PSG2: variants seen among roughly 807,000 people sequenced by gnomAD.
The protein encoded by PSG2 is pregnancy specific beta-1-glycoprotein 2.
PSG2 carries 49 observed loss-of-function variants against 36.2 expected under a neutral mutation model. That is an observed-to-expected ratio of 1.35 (90% CI 1.08 to 1.72). PSG2 has a LOEUF of 1.72. PSG2 is among the 40% of genes most tolerant of loss of function. The probability of loss-of-function intolerance (pLI) is 0.00; values close to 1 mark genes in which losing one functional copy is unlikely to be tolerated. For missense variants in PSG2, 605 were observed against 407.2 expected (o/e 1.49, Z -4.18); for synonymous variants, 261 against 155.6 (o/e 1.68, Z -5.04).
At chr19:43,066,855 G>A (rs1967746852) in intron 4 of PSG2, among the ~76,000 whole-genome samples, 1 of 151,222 alleles carries the variant, frequency 6.6e-6, no homozygotes, top group Admixed American at 6.6e-5. Flanking sequence ...TCAGATGTGA[G>A]AAAGGCTGAT....
chr19:43,068,929 C>G (rs1425930598), intron 4 of PSG2, among the ~76,000 whole-genome samples: 1 of 151,544 alleles, frequency 6.6e-6, no homozygotes. Flanking sequence ...AAAATTATTT[C>G]TGTTTATAGA....
chr19:43,071,710 G>A lies in PSG2; in HGVS notation c.954C>T (p.Val318=), dbSNP rs1169491254. The A allele has an allele frequency of 6.2e-7, 1 of 1,612,872 alleles. No homozygotes were observed. Among genetic ancestry groups the A allele is most frequent in the Non-Finnish European group, 8.5e-7 (1 of 1,179,474 alleles). ...CTGGGATCCACTTACCAGAGACTTT[G>A]ACTGTCAACGATGTGGAGCTTTCCT... The part of the protein sequence containing the change: ...TGEESSTSLT[V]KVSASTRIGL... Residue 318 remains valine, a synonymous_variant, in exon 4 of 6, where the codon GTC becomes GTT. Coordinates refer to ENST00000406487, the MANE Select transcript of PSG2 (RefSeq NM_031246.4).
intron 1 of PSG2, among the ~76,000 whole-genome samples, chr19:43,081,448 C>G (rs559262468): frequency 6.6e-6 from 1 of 150,966 alleles, no homozygotes; most frequent in Admixed American, 6.6e-5. Flanking sequence ...GTACTACTGT[C>G]CTACTAGGTC....
At chr19:43,079,225 G>T (rs917703633) in intron 2 of PSG2, among the ~76,000 whole-genome samples, 21 of 151,470 alleles carry the variant, frequency 1.4e-4, no homozygotes, top group East Asian at 1.3e-3. Flanking sequence ...AGCAGTGAGG[G>T]CTACACTGAC....
At chr19:43,066,970 G>A (rs913610412) in intron 4 of PSG2, among the ~76,000 whole-genome samples, 15 of 151,158 alleles carry the variant, frequency 9.9e-5, no homozygotes, top group Admixed American at 6.6e-4. Context: ...ACTCTGTCAG[G>A]TCTCCATGGC....
intron 3 of PSG2, 40 bp downstream of exon 3, chr19:43,075,314 G>C (rs1023289001): frequency 6.2e-7 from 1 of 1,613,096 alleles, no homozygotes; most frequent in Non-Finnish European, 8.5e-7. Context: ...TGTGTATTTG[G>C]GATGGCAGTC....
At chr19:43,075,734 A>T in intron 2 of PSG2, 102 bp from the exon 3 acceptor site, 1 of 1,523,198 alleles carries the variant, frequency 6.6e-7, no homozygotes, top group Admixed American at 2.1e-5. Context: ...CAGCCCACCC[A>T]AGTCCTTAAA....
chr19:43,074,171 G>T lies in PSG2; in HGVS notation c.709+1183C>A, dbSNP rs527435212. Among the ~76,000 whole-genome samples the T allele has an allele frequency of 4.1e-3, 616 of 151,602 alleles. 7 individuals carry two copies. Among genetic ancestry groups the T allele is most frequent in the Middle Eastern group, 6.8e-3 (2 of 292 alleles). On this transcript the variant is annotated intron_variant, in intron 3 of 5. Transcript: ENST00000406487. ...TCTTTTTCACAGTGTTTCTGTTGTG[G>T]CAGTCATTAATAAGAGCCTGTCAGG...
intron 3 of PSG2, among the ~76,000 whole-genome samples, chr19:43,074,140 G>C (rs1967858382): frequency 6.6e-6 from 1 of 151,534 alleles, no homozygotes; most frequent in Non-Finnish European, 1.5e-5. Flanking sequence ...CCTTTTCATG[G>C]TTGCATCTTT....
Position 43,071,720 on chromosome 19 carries a change from G to A in PSG2, c.944C>T (p.Ser315Leu), listed in dbSNP as rs749542888. ...CTTACCAGAGACTTTGACTGTCAAC[G>A]ATGTGGAGCTTTCCTCGCCAGTGGC... ...NSATGEESST[S>L]LTVKVSASTR... is the part of the protein sequence containing the mutation. Residue 315 changes from serine (S) to leucine (L), a missense_variant, in exon 4 of 6, where the codon TCG becomes TTG. Ser to Leu is a moderately radical substitution (Grantham distance 145). Transcript: ENST00000406487. 53 of 1,612,822 alleles carry A rather than the reference G, an allele frequency of 3.3e-5. No homozygotes were observed. Among genetic ancestry groups the A allele is most frequent in the South Asian group, 2.2e-4 (20 of 91,048 alleles).
At chr19:43,081,392 C>CACACAG (rs1041599178) in intron 1 of PSG2, 146 bp from the exon 2 acceptor site, 3 of 1,202,056 alleles carry the variant, frequency 2.5e-6, no homozygotes, top group Non-Finnish European at 3.3e-6. Flanking sequence ...CACACACACA[C>CACACAG]ACACACAAAA....
chr19:43,082,140 T>TG (rs1967988846), intron 1 of PSG2: 2 of 120,734 alleles, frequency 1.7e-5, no homozygotes, highest in Admixed American at 8.1e-5. Flanking sequence ...TTTTTTTTTT[T>TG]TTTTTTTTTT....
intron 5 of PSG2, among the ~76,000 whole-genome samples, chr19:43,066,206 T>A (rs1967737310): frequency 6.6e-6 from 1 of 151,762 alleles, no homozygotes; most frequent in South Asian, 2.1e-4. Flanking sequence ...TTTATGGGAA[T>A]GGAGAGAATT....
chr19:43,082,473 C>A, intron 1 of PSG2, 33 bp downstream of exon 1: 1 of 1,603,378 alleles, frequency 6.2e-7, no homozygotes, highest in East Asian at 2.2e-5. Context: ...CTTCTTCCTC[C>A]TCCTGTCCTC....
intron 2 of PSG2, among the ~76,000 whole-genome samples, chr19:43,079,229 C>A (rs1967937342): frequency 6.6e-6 from 1 of 151,490 alleles, no homozygotes; most frequent in Non-Finnish European, 1.5e-5. Flanking sequence ...GTGAGGGCTA[C>A]ACTGACGTCA....
At chr19:43,078,292 A>G (rs148150713) in intron 2 of PSG2, among the ~76,000 whole-genome samples, 15,242 of 151,702 alleles carry the variant, frequency 0.1, 1,028 homozygotes, top group Admixed American at 0.15. Context: ...TTGTCAAACT[A>G]GTGAAAGACC....
chr19:43,069,585 G>T (rs934527947), intron 4 of PSG2, among the ~76,000 whole-genome samples: 7 of 151,708 alleles, frequency 4.6e-5, no homozygotes, highest in African/African-American at 1.5e-4. Flanking sequence ...CATCGAGTGT[G>T]CCAAGATCAT....
rs562401174 is a variant in PSG2, at chr19:43,073,729, A to G, written c.709+1625T>C. Among the ~76,000 whole-genome samples, 391 of 151,708 alleles carry G rather than the reference A, an allele frequency of 2.6e-3. 9 individuals carry two copies. The highest frequency in any genetic ancestry group is 9.0e-3 in the African/African-American group (368 of 41,116). On this transcript the variant is annotated intron_variant, in intron 3 of 5. Transcript: ENST00000406487. ...GTGTGCAGTTTCAGTTATGCAAGGT[A>G]GGGAGTTTCTAGAGATCTGCTGTAG...
intron 5 of PSG2, chr19:43,065,783 C>G (rs911309483): frequency 6.6e-6 from 1 of 151,874 alleles, no homozygotes; most frequent in Non-Finnish European, 1.5e-5. Context: ...TTCTGAGTCT[C>G]AGGTTCACAT....
Sources: allele counts gnomAD v4.1 joint callset (sites outside exome capture counted in the v4.1 genomes callset), GRCh38; gene constraint gnomAD v4.1.1; transcripts MANE v1.5; gene names NCBI Gene and HGNC (gene_info 2026-07-23, HGNC 2026-07-21).